Variants in IGF1R observed in about 807,000 individuals in gnomAD.
IGF1R encodes insulin-like growth factor 1 receptor.
In IGF1R, 44 loss-of-function variants were observed where a neutral mutation model predicts 144.6. That is an observed-to-expected ratio of 0.30 (90% CI 0.24 to 0.39). IGF1R has a LOEUF of 0.39. Ranked by LOEUF, IGF1R falls within the 10% of genes least tolerant of loss-of-function variation. The pLI is 1.00. For synonymous variants in IGF1R, 795 were observed against 722.8 expected, an observed-to-expected ratio of 1.10 and a Z score of -1.60; for missense variants, 1,355 against 1,833.7, an observed-to-expected ratio of 0.74 and a Z score of 4.77.
chr15:98,859,549 G>T (rs890917976), intron 2 of IGF1R, among the ~76,000 whole-genome samples: 3 of 152,186 alleles, frequency 2.0e-5, no homozygotes, highest in Non-Finnish European at 4.4e-5. Context: ...AGAACTTCTT[G>T]CAAGGTTTCT....
chr15:98,750,830 A>G (rs1596266287), intron 2 of IGF1R, among the ~76,000 whole-genome samples: 1 of 152,316 alleles, frequency 6.6e-6, no homozygotes, highest in Non-Finnish European at 1.5e-5. Flanking sequence ...ACTGTCACCC[A>G]GGTTGGAGTG....
intron 2 of IGF1R, among the ~76,000 whole-genome samples, chr15:98,744,450 A>G (rs150444974): frequency 2.0e-5 from 3 of 152,226 alleles, no homozygotes; most frequent in Non-Finnish European, 4.4e-5. Flanking sequence ...AGAGGGAGGA[A>G]TACTGTGGGG....
At position 98,957,699 on chromosome 15, in the gene IGF1R, A is replaced by C. The variant is rs968365498; in HGVS notation, c.*257A>C. The C allele has an allele frequency of 1.8e-5, 10 of 570,044 alleles. No individual in the cohort carries two copies. Among genetic ancestry groups the C allele is most frequent in the Non-Finnish European group, 3.1e-5 (10 of 318,542 alleles). 35.3% of individuals were successfully genotyped at this position (570,044 alleles called of 1,614,324 possible). On this transcript the variant is annotated 3_prime_UTR_variant, in exon 21 of 21. Transcript: ENST00000650285. ...TGGGCCTTTAAGAACCTTAATGACA[A>C]CACTTAATAGCAACAGAGCACTTGA...
intron 2 of IGF1R, among the ~76,000 whole-genome samples, chr15:98,857,656 CATGTGGCTATGGAGCACTTGAA>C (rs1220735114): frequency 6.6e-6 from 1 of 152,224 alleles, no homozygotes; most frequent in Non-Finnish European, 1.5e-5. Context: ...CCGCTAGCCA[CATGTGGCTATGGAGCACTTGAA>C]ATGTGGCTAG....
intron 5 of IGF1R, among the ~76,000 whole-genome samples, chr15:98,906,821 TG>T: frequency 6.6e-6 from 1 of 152,330 alleles, no homozygotes; most frequent in East Asian, 1.9e-4. Context: ...GGCCTGAAGA[TG>T]GGCGTGTGAG....
intron 2 of IGF1R, among the ~76,000 whole-genome samples, chr15:98,734,000 C>T (rs1007901507): frequency 3.3e-5 from 5 of 152,134 alleles, no homozygotes; most frequent in African/African-American, 9.7e-5. Context: ...ATTAGTGTTC[C>T]GAGCCATAGG....
intron 2 of IGF1R, among the ~76,000 whole-genome samples, chr15:98,853,476 G>T (rs528526570): frequency 5.6e-4 from 86 of 152,318 alleles, no homozygotes; most frequent in Middle Eastern, 6.8e-3. Context: ...ACAGCATGTG[G>T]CATTCAGTTC....
chr15:98,883,378 T>C (rs776249049), intron 2 of IGF1R, among the ~76,000 whole-genome samples: 36 of 152,354 alleles, frequency 2.4e-4, no homozygotes, highest in Non-Finnish European at 3.4e-4. Flanking sequence ...TGAGAAAATA[T>C]GTCTTTACTG....
chr15:98,863,484 G>T (rs1484977668), intron 2 of IGF1R, among the ~76,000 whole-genome samples: 2 of 152,112 alleles, frequency 1.3e-5, no homozygotes, highest in African/African-American at 4.8e-5. Flanking sequence ...TTGCCAAATG[G>T]TGATTTTCTA....
chr15:98,845,030 C>T (rs2011257571), intron 2 of IGF1R, among the ~76,000 whole-genome samples: 1 of 152,168 alleles, frequency 6.6e-6, no homozygotes, highest in South Asian at 2.1e-4. Context: ...ATACCAGGCC[C>T]ACCAAGGAGT....
At chr15:98,681,504 G>A (rs1199764140) in intron 1 of IGF1R, among the ~76,000 whole-genome samples, 2 of 152,194 alleles carry the variant, frequency 1.3e-5, no homozygotes, top group Admixed American at 6.5e-5. Context: ...CTCTAAGTTT[G>A]GGGAGTGCTG....
chr15:98,851,479 C>T (rs1260044472), intron 2 of IGF1R, among the ~76,000 whole-genome samples: 1 of 152,172 alleles, frequency 6.6e-6, no homozygotes, highest in African/African-American at 2.4e-5. Context: ...TCCAGCCTCC[C>T]CCTCCCCGTG....
intron 1 of IGF1R, among the ~76,000 whole-genome samples, chr15:98,695,521 C>T (rs943297180): frequency 3.3e-5 from 5 of 152,172 alleles, no homozygotes; most frequent in African/African-American, 1.2e-4. Context: ...AGCTCTGCTC[C>T]CTAAATTACC....
chr15:98,754,979 G>T (rs549472266), intron 2 of IGF1R, among the ~76,000 whole-genome samples: 1 of 152,214 alleles, frequency 6.6e-6, no homozygotes, highest in South Asian at 2.1e-4. Context: ...GGTGCTTTGT[G>T]TTATCGAAAC....
At position 98,924,615 on chromosome 15, in the gene IGF1R, A is replaced by G; in HGVS notation, c.2713A>G (p.Ile905Val). The G allele has an allele frequency of 6.2e-7, 1 of 1,614,158 alleles. No homozygotes were observed. Among genetic ancestry groups the G allele is most frequent in the Non-Finnish European group, 8.5e-7 (1 of 1,179,980 alleles). The change falls in exon 13 of 21, where the codon ATT (isoleucine) becomes GTT (valine). Residue 905 changes from isoleucine (I) to valine (V), a missense_variant. By Grantham distance (29) the Ile-to-Val change is conservative. Coordinates refer to ENST00000650285, the MANE Select transcript of IGF1R (RefSeq NM_000875.5). ...AAACCCGGGGAACTACACAGCCCGG[A>G]TTCAGGCCACATCTCTCTCTGGGAA... is the stretch of plus-strand genomic sequence containing the variant. ...RLNPGNYTAR[I>V]QATSLSGNGS...
chr15:98,866,470 G>A (rs1298162453), intron 2 of IGF1R, among the ~76,000 whole-genome samples: 2 of 152,234 alleles, frequency 1.3e-5, no homozygotes, highest in East Asian at 3.8e-4. Context: ...TGGCTTGAAA[G>A]ATTGAACTTC....
chr15:98,829,176 C>T (rs1283029783), intron 2 of IGF1R, among the ~76,000 whole-genome samples: 1 of 152,188 alleles, frequency 6.6e-6, no homozygotes, highest in African/African-American at 2.4e-5. Context: ...CTTCTTACCA[C>T]ATCTGGCATG....
At chr15:98,867,895 C>G (rs896984169) in intron 2 of IGF1R, among the ~76,000 whole-genome samples, 1 of 152,052 alleles carries the variant, frequency 6.6e-6, no homozygotes, top group African/African-American at 2.4e-5. Flanking sequence ...GTAAAGTTTC[C>G]ACTTTTTAAA....
intron 2 of IGF1R, among the ~76,000 whole-genome samples, chr15:98,716,467 G>A (rs982136308): frequency 6.6e-6 from 1 of 152,204 alleles, no homozygotes; most frequent in African/African-American, 2.4e-5. Context: ...TTATATGGAA[G>A]AAGGAACCCC....
Sources: allele counts gnomAD v4.1 joint callset (sites outside exome capture counted in the v4.1 genomes callset), GRCh38; gene constraint gnomAD v4.1.1; transcripts MANE v1.5; gene names NCBI Gene and HGNC (gene_info 2026-07-23, HGNC 2026-07-21).